The following DNMT3A variants were observed in gnomAD, a reference collection of about 807,000 sequenced individuals.
The protein encoded by DNMT3A is DNA (cytosine-5)-methyltransferase 3A.
A neutral mutation model predicts 117.6 loss-of-function variants in DNMT3A; 267 were observed. The observed-to-expected ratio is 2.27, with a 90% CI of 2.05 to 2.51. DNMT3A has a LOEUF of 2.51. Ranked by LOEUF, DNMT3A falls within the 30% of genes most tolerant of loss-of-function variation. The probability of loss-of-function intolerance (pLI) is 0.00; values close to 1 mark genes in which losing one functional copy is unlikely to be tolerated. For missense variants in DNMT3A, 1,029 were observed against 1,260.2 expected (o/e 0.82, Z 2.78); for synonymous variants, 432 against 474.8 (o/e 0.91, Z 1.17).
rs781731070 is a variant in DNMT3A, at chr2:25,247,221, T to C, written c.1015-63A>G. The C allele has an allele frequency of 1.4e-4, 214 of 1,528,724 alleles. No homozygotes were observed. Among genetic ancestry groups the C allele is most frequent in the Admixed American group, 2.0e-4 (11 of 56,288 alleles). 94.7% of individuals were successfully genotyped at this position (1,528,724 alleles called of 1,614,324 possible). On this transcript the variant is annotated intron_variant, in intron 8 of 22. Transcript: ENST00000321117. The surrounding 1 kb of genome is among the most constrained non-coding windows in gnomAD (Gnocchi z 5.6). ...CACTTGCAAGCACCCACCCCATGCC[T>C]TGCAACTGGCAGGGGCTGGGAGCCT...
chr2:25,239,147 G>T lies in DNMT3A; in HGVS notation c.2391C>A (p.Asn797Lys). 1.9e-6 allele frequency: 3 copies of T among 1,614,060 alleles called. No homozygotes were observed. The highest frequency in any genetic ancestry group is 1.7e-5 in the Admixed American group (1 of 60,022). The change falls in exon 20 of 23, where the codon AAC (asparagine) becomes AAA (lysine). Residue 797 changes from asparagine to lysine, a missense_variant. By Grantham distance (94) the Asn-to-Lys change is moderately conservative. Transcript: ENST00000321117. Reference sequence around the variant, plus strand: ...TCACCAACCTGTTCATACCGGGAAGGTTACCCCAGAAGTAGCGGGCCCTGT... The same window carrying T: ...TCACCAACCTGTTCATACCGGGAAGTTTACCCCAGAAGTAGCGGGCCCTGT... ...AAHRARYFWG[N>K]LPGMNRPLAS... is the part of the protein sequence containing the mutation.
intron 2 of DNMT3A, among the ~76,000 whole-genome samples, chr2:25,310,131 T>G (rs1045820345): frequency 2.6e-5 from 4 of 152,092 alleles, no homozygotes; most frequent in African/African-American, 9.7e-5. Flanking sequence ...TCTTAGCCAT[T>G]GTGTTTCTGA....
intron 1 of DNMT3A, among the ~76,000 whole-genome samples, chr2:25,321,515 C>T (rs890631983): frequency 2.0e-5 from 3 of 152,204 alleles, no homozygotes; most frequent in Non-Finnish European, 2.9e-5. Flanking sequence ...CTGCAAAGTC[C>T]CTTTTGCCAT....
At chr2:25,244,005 C>T (rs1471334623) in intron 15 of DNMT3A, 23 bp from the exon 16 acceptor site, 2 of 1,548,770 alleles carry the variant, frequency 1.3e-6, no homozygotes, top group East Asian at 2.4e-5. Context: ...CACAACAGGT[C>T]AGATGCAGGC....
chr2:25,252,078 G>A lies in DNMT3A; in HGVS notation c.640-3826C>T. On this transcript the variant is annotated intron_variant, in intron 6 of 22. Coordinates refer to ENST00000321117, the MANE Select transcript of DNMT3A (RefSeq NM_022552.5). This position sits in a 1 kb window ranked among gnomAD's most constrained non-coding sequence, Gnocchi z 5.5. ...GCCAGGCCGGGACGCCGCGGCTGCT[G>A]CGGGCCGGGGAGGCATACTTCACTC... 1.5e-6 allele frequency: 2 copies of A among 1,344,450 alleles called. No homozygotes were observed. The highest frequency in any genetic ancestry group is 2.0e-6 in the Non-Finnish European group (2 of 992,636). 83.3% of individuals were successfully genotyped at this position (1,344,450 alleles called of 1,614,324 possible). A position where few individuals can be genotyped will look rare whatever the true frequency, so the allele number is the denominator to read the frequency against.
chr2:25,278,595 G>A (rs1174662882), intron 4 of DNMT3A, among the ~76,000 whole-genome samples: 5 of 152,236 alleles, frequency 3.3e-5, no homozygotes, highest in Non-Finnish European at 7.3e-5. Context: ...GAAGGCCAAG[G>A]TGGGCAGATC....
intron 19 of DNMT3A, chr2:25,239,581 G>C (rs898650088): frequency 1.7e-5 from 9 of 530,028 alleles, no homozygotes; most frequent in Non-Finnish European, 1.9e-5. Flanking sequence ...GCATGTGGCT[G>C]GTGGCTACCA....
chr2:25,266,321 T>C (rs2030342522), intron 6 of DNMT3A, among the ~76,000 whole-genome samples: 1 of 152,212 alleles, frequency 6.6e-6, no homozygotes, highest in African/African-American at 2.4e-5. Context: ...GTAGGGCAAA[T>C]AAGTGAGGAA....
rs897787782 is a variant in DNMT3A at position 25,296,527 on chromosome 2, C to G, written c.177+3612G>C. Among the ~76,000 whole-genome samples the G allele has an allele frequency of 7.2e-5, 11 of 152,226 alleles. No individual in the cohort carries two copies. Among genetic ancestry groups the G allele is most frequent in the African/African-American group, 2.6e-4 (11 of 41,528 alleles). On this transcript the variant is annotated intron_variant, in intron 3 of 22. Transcript: ENST00000321117. The surrounding 1 kb of genome is among the most constrained non-coding windows in gnomAD (Gnocchi z 4.2). ...GGGGGGTTCCTGAAGAAGGACGTGC[C>G]GGTGCTACATTTACTGTGATTATGT...
chr2:25,277,028 C>T (rs2149369473), intron 4 of DNMT3A, among the ~76,000 whole-genome samples: 1 of 152,152 alleles, frequency 6.6e-6, no homozygotes, highest in South Asian at 2.1e-4. Flanking sequence ...CAGCGACTCC[C>T]GCTAGCTAGG....
rs542899154 is a variant in DNMT3A, at chr2:25,293,128, T to C, written c.177+7011A>G. On this transcript the variant is annotated intron_variant, in intron 3 of 22. Coordinates refer to ENST00000321117, the MANE Select transcript of DNMT3A (RefSeq NM_022552.5). This position sits in a 1 kb window ranked among gnomAD's most constrained non-coding sequence, Gnocchi z 4.7. ...CATCTGCTCCCTTCCAGAAGCCTTG[T>C]CTCTGACAACAACGCTGATGCTGTC... 6.2e-4 allele frequency among the ~76,000 whole-genome samples: 94 copies of C among 152,280 alleles called. No individual in the cohort carries two copies. The highest frequency in any genetic ancestry group is 2.2e-3 in the African/African-American group (93 of 41,556).
rs900748647 is a variant in DNMT3A, at chr2:25,339,568, C to T, written c.-178+2258G>A. Among the ~76,000 whole-genome samples, 2 of 152,152 alleles carry T rather than the reference C, an allele frequency of 1.3e-5. No homozygotes were observed. Among genetic ancestry groups the T allele is most frequent in the African/African-American group, 2.4e-5 (1 of 41,426 alleles). The stretch of plus-strand genomic sequence containing the variant: ...TGCTGCACAGGCCAGCCTGGTCCCT[C>T]GCCTGGAGCCAGCACATGTGCACAC... On this transcript the variant is annotated intron_variant, in intron 1 of 22. Transcript: ENST00000321117. This position sits in a 1 kb window ranked among gnomAD's most constrained non-coding sequence, Gnocchi z 4.9.
rs1217739422 is a variant in DNMT3A at position 25,246,413 on chromosome 2, G to C, written c.1280-104C>G. The C allele has an allele frequency of 8.2e-6, 12 of 1,471,924 alleles. No individual in the cohort carries two copies. In the South Asian group the frequency reaches 1.5e-4, roughly 18 times the overall value. 91.2% of individuals were successfully genotyped at this position (1,471,924 alleles called of 1,614,324 possible). On this transcript the variant is annotated intron_variant, in intron 10 of 22. Transcript: ENST00000321117. ...TGGGGTGCGGCCTGGTCTCCAACTT[G>C]TTCCCACCTCCCAACTCTACGGTTC...
At chr2:25,260,645 G>A (rs1321152874) in intron 6 of DNMT3A, among the ~76,000 whole-genome samples, 1 of 152,144 alleles carries the variant, frequency 6.6e-6, no homozygotes, top group Non-Finnish European at 1.5e-5. Context: ...TGTCGCATCT[G>A]TAGAGTTGCT....
At chr2:25,328,021 A>T (rs1345176286) in intron 1 of DNMT3A, among the ~76,000 whole-genome samples, 1 of 152,094 alleles carries the variant, frequency 6.6e-6, no homozygotes, top group Non-Finnish European at 1.5e-5. Context: ...GAGCGGGTCC[A>T]CCTGCCTCTG....
chr2:25,235,726 A>C lies in DNMT3A; in HGVS notation c.2578T>G (p.Trp860Gly). ...VFMNEKEDILWCTEMERVFGF... is the reference protein window; with the variant it reads ...VFMNEKEDILGCTEMERVFGF... ...GGGTACCTTTCCATTTCAGTGCACCATAAGATGTCCTCTTTCTCATTCATG... is the reference window on the plus strand; with the variant it reads ...GGGTACCTTTCCATTTCAGTGCACCCTAAGATGTCCTCTTTCTCATTCATG... Residue 860 changes from tryptophan (W) to glycine (G), a missense_variant, in exon 22 of 23, where the codon TGG (tryptophan) becomes GGG (glycine). Transcript: ENST00000321117. 6.2e-7 allele frequency: 1 copy of C among 1,613,960 alleles called. No homozygotes were observed. Among genetic ancestry groups the C allele is most frequent in the Non-Finnish European group, 8.5e-7 (1 of 1,179,844 alleles).
rs2035250022 is a variant in DNMT3A at position 25,337,258 on chromosome 2, G to A, written c.-178+4568C>T. ...CCTCCCAGGATTTTTAATCAGAATCGGCACTTTCCTCATCTGACCAAGATT... is the reference window on the plus strand; with the variant it reads ...CCTCCCAGGATTTTTAATCAGAATCAGCACTTTCCTCATCTGACCAAGATT... On this transcript the variant is annotated intron_variant, in intron 1 of 22. Coordinates refer to ENST00000321117, the MANE Select transcript of DNMT3A (RefSeq NM_022552.5). This position sits in a 1 kb window ranked among gnomAD's most constrained non-coding sequence, Gnocchi z 5.0. Among the ~76,000 whole-genome samples the A allele has an allele frequency of 6.6e-6, 1 of 152,090 alleles. No homozygotes were observed. Among genetic ancestry groups the A allele is most frequent in the African/African-American group, 2.4e-5 (1 of 41,420 alleles).
chr2:25,334,973 TTTTTTCAAA>T (rs2035153273), intron 1 of DNMT3A, among the ~76,000 whole-genome samples: 1 of 152,216 alleles, frequency 6.6e-6, no homozygotes, highest in Admixed American at 6.5e-5. Flanking sequence ...TTCATTTACA[TTTTTTCAAA>T]GAAAACGAAA....
In DNMT3A at chr2:25,231,863, A is replaced by T. The variant is rs1672896390; in HGVS notation, c.*2416T>A. 6.6e-6 allele frequency: 1 copy of T among 151,896 alleles called. No individual in the cohort carries two copies. Among genetic ancestry groups the T allele is most frequent in the Non-Finnish European group, 1.5e-5 (1 of 68,002 alleles). The allele number at this position is 151,896 out of a possible 1,614,324, so 9.4% of individuals were successfully genotyped here. On this transcript the variant is annotated 3_prime_UTR_variant, in exon 23 of 23. Transcript: ENST00000321117. ...TGGGATTGACAGTCTACCTGCAATC[A>T]GGGCAACAGAGGTAAATAGCTGCAC...
Sources: allele counts gnomAD v4.1 joint callset (sites outside exome capture counted in the v4.1 genomes callset), GRCh38; gene constraint gnomAD v4.1.1; non-coding constraint Gnocchi (gnomAD v3.1); transcripts MANE v1.5; gene names NCBI Gene and HGNC (gene_info 2026-07-23, HGNC 2026-07-21).